Variants in SPRED2 observed in about 807,000 individuals in gnomAD.
SPRED2 encodes the protein sprouty-related, EVH1 domain-containing protein 2.
A neutral mutation model predicts 43.0 loss-of-function variants in SPRED2; 47 were observed. The observed-to-expected ratio is 1.09, with a 90% CI of 0.87 to 1.40. The LOEUF (loss-of-function observed/expected upper bound fraction) is 1.40. Ranked by LOEUF, SPRED2 falls within the 40% of genes most tolerant of loss-of-function variation. The probability of loss-of-function intolerance (pLI) is 0.00; values close to 1 mark genes in which losing one functional copy is unlikely to be tolerated. For missense variants in SPRED2, 561 were observed against 586.4 expected, an observed-to-expected ratio of 0.96 and a Z score of 0.45; for synonymous variants, 225 against 225.7, an observed-to-expected ratio of 1.00 and a Z score of 0.03.
rs1675722658 is a variant in SPRED2 at position 65,395,021 on chromosome 2, A to G, written c.26+36941T>C. Among the ~76,000 whole-genome samples the G allele has an allele frequency of 3.9e-5, 6 of 152,160 alleles. No homozygotes were observed. In the South Asian group the frequency reaches 1.2e-3, roughly 32 times the overall value. ...AGGGTACAAGAGATATCCGGTGGCC[A>G]GGATTTGCCATCCCCAGTAACCTTG... On this transcript the variant is annotated intron_variant, in intron 1 of 5. Coordinates refer to ENST00000356388, the MANE Select transcript of SPRED2 (RefSeq NM_181784.3).
At chr2:65,328,660 G>A (rs1404800059) in intron 4 of SPRED2, among the ~76,000 whole-genome samples, 1 of 152,126 alleles carries the variant, frequency 6.6e-6, no homozygotes, top group Non-Finnish European at 1.5e-5. Context: ...AAAGAAATAT[G>A]TTCATCCCAA....
Position 65,401,930 on chromosome 2 carries a change from C to CGCGT in SPRED2, c.26+30031_26+30032insACGC, listed in dbSNP as rs765679515. ...TTGTAAAACGATCAGAATATTAGCG[C>CGCGT]GCGCGCGCACACACACACACACACA... On this transcript the variant is annotated intron_variant, in intron 1 of 5. Coordinates refer to ENST00000356388, the MANE Select transcript of SPRED2 (RefSeq NM_181784.3). Among the ~76,000 whole-genome samples the CGCGT allele has an allele frequency of 4.6e-3, 465 of 101,354 alleles. 3 individuals are homozygous for CGCGT. The highest frequency in any genetic ancestry group is 6.4e-3 in the Non-Finnish European group (331 of 52,056). The allele number at this position is 101,354 out of a possible 152,430, so 66.5% of individuals were successfully genotyped here. A position where few individuals can be genotyped will look rare whatever the true frequency, so the allele number is the denominator to read the frequency against.
At chr2:65,426,139 CA>C (rs1240652281) in intron 1 of SPRED2, among the ~76,000 whole-genome samples, 8 of 152,160 alleles carry the variant, frequency 5.3e-5, no homozygotes, top group African/African-American at 1.9e-4. Context: ...TTATTGTGGT[CA>C]AGATTTTTTA....
intron 4 of SPRED2, among the ~76,000 whole-genome samples, chr2:65,324,883 T>C (rs1018946268): frequency 1.3e-5 from 2 of 152,212 alleles, no homozygotes; most frequent in African/African-American, 4.8e-5. Flanking sequence ...TTCAGTACTA[T>C]GCGCATCCCT....
chr2:65,412,150 G>GAA (rs1309457305), intron 1 of SPRED2, among the ~76,000 whole-genome samples: 1 of 151,064 alleles, frequency 6.6e-6, no homozygotes, highest in African/African-American at 2.4e-5. Flanking sequence ...AAGAAAGAAA[G>GAA]AAAAAGAAAA....
At chr2:65,411,909 C>T (rs1055218018) in intron 1 of SPRED2, among the ~76,000 whole-genome samples, 4 of 152,016 alleles carry the variant, frequency 2.6e-5, no homozygotes, top group Non-Finnish European at 5.9e-5. Context: ...AGGCGGATCA[C>T]AAGGTCAATA....
At chr2:65,423,795 T>C (rs937218420) in intron 1 of SPRED2, among the ~76,000 whole-genome samples, 39 of 150,720 alleles carry the variant, frequency 2.6e-4, no homozygotes, top group Admixed American at 7.3e-4. Context: ...TTCTTTGAGA[T>C]GGAGTTCTGC....
chr2:65,426,858 G>C (rs1676568721), intron 1 of SPRED2, among the ~76,000 whole-genome samples: 1 of 152,144 alleles, frequency 6.6e-6, no homozygotes, highest in Admixed American at 6.5e-5. Flanking sequence ...AAAGCAGAGG[G>C]GACCAGCTTT....
intron 1 of SPRED2, among the ~76,000 whole-genome samples, chr2:65,423,403 T>C (rs1024623443): frequency 6.6e-6 from 1 of 152,208 alleles, no homozygotes; most frequent in African/African-American, 2.4e-5. Context: ...CACAGCCAAC[T>C]GGGATCACTG....
chr2:65,344,282 G>T, intron 2 of SPRED2: 1 of 226,290 alleles, frequency 4.4e-6, no homozygotes, highest in South Asian at 5.6e-5. Context: ...GTAGCCTAAT[G>T]TCAGATGACA....
chr2:65,408,157 G>C (rs1244475514), intron 1 of SPRED2, among the ~76,000 whole-genome samples: 3 of 152,106 alleles, frequency 2.0e-5, no homozygotes, highest in African/African-American at 7.2e-5. Flanking sequence ...CCAGACCTTG[G>C]GTCCTTTCAA....
intron 1 of SPRED2, among the ~76,000 whole-genome samples, chr2:65,348,896 T>C (rs1674427593): frequency 1.3e-5 from 2 of 152,358 alleles, no homozygotes; most frequent in Middle Eastern, 3.4e-3. Context: ...ATCACAGTAC[T>C]TTCTATTCCT....
chr2:65,370,386 T>C (rs1329977682), intron 1 of SPRED2, among the ~76,000 whole-genome samples: 2 of 152,220 alleles, frequency 1.3e-5, no homozygotes, highest in Non-Finnish European at 2.9e-5. Context: ...GGGCAAATTA[T>C]GGCCAGCCAC....
chr2:65,321,504 T>TAA (rs70943644), intron 4 of SPRED2, among the ~76,000 whole-genome samples: 23 of 55,818 alleles, frequency 4.1e-4, no homozygotes, highest in African/African-American at 7.6e-4. Context: ...AGACCCTGTC[T>TAA]AAAAAAAAAA....
chr2:65,416,355 G>A (rs1239671994), intron 1 of SPRED2, among the ~76,000 whole-genome samples: 1 of 152,134 alleles, frequency 6.6e-6, no homozygotes, highest in Non-Finnish European at 1.5e-5. Context: ...CAGGCTGCAT[G>A]CCAACCAACA....
chr2:65,309,892 A>G (rs1310000995), downstream of SPRED2, among the ~76,000 whole-genome samples: 3 of 152,190 alleles, frequency 2.0e-5, 1 homozygote, highest in African/African-American at 7.2e-5. Context: ...GAACAGAGGC[A>G]TCAGAGTGAG....
At chr2:65,384,197 C>T (rs535387717) in intron 1 of SPRED2, among the ~76,000 whole-genome samples, 2 of 152,234 alleles carry the variant, frequency 1.3e-5, no homozygotes, top group African/African-American at 4.8e-5. Flanking sequence ...CTGCAGCTCT[C>T]GGTGTCTATC....
chr2:65,363,929 T>C (rs1426724593), intron 1 of SPRED2, among the ~76,000 whole-genome samples: 1 of 152,208 alleles, frequency 6.6e-6, no homozygotes, highest in Non-Finnish European at 1.5e-5. Context: ...CTAAAATATC[T>C]TGGACACTCT....
At chr2:65,348,230 T>C (rs1368533789) in intron 1 of SPRED2, among the ~76,000 whole-genome samples, 1 of 152,200 alleles carries the variant, frequency 6.6e-6, no homozygotes, top group Non-Finnish European at 1.5e-5. Context: ...TCCAAGGTTA[T>C]TTCAGAGAGG....
Sources: gnomAD v4.1 joint callset for allele counts (sites outside exome capture counted in the v4.1 genomes callset) on GRCh38, gnomAD v4.1.1 for gene constraint, MANE v1.5 for transcripts, NCBI Gene and HGNC (gene_info 2026-07-23, HGNC 2026-07-21) for gene names.